NHSL1: variants seen among roughly 807,000 people sequenced by gnomAD.
NHSL1 encodes the protein NHS like 1, also known as NHS-like protein 1.
Under a neutral mutation model 95.0 loss-of-function variants are expected in NHSL1, and 48 were observed. The ratio of observed to expected loss-of-function variants is 0.51; its 90% CI spans 0.40 to 0.64. The LOEUF is 0.64. NHSL1 is among the 30% of genes least tolerant of loss of function. The pLI is 0.00. For synonymous variants in NHSL1, 783 were observed against 833.9 expected, an observed-to-expected ratio of 0.94 and a Z score of 1.05; for missense variants, 1,971 against 2,077.7, an observed-to-expected ratio of 0.95 and a Z score of 1.00.
intron 2 of NHSL1, among the ~76,000 whole-genome samples, chr6:138,491,240 G>C (rs905195749): frequency 6.6e-6 from 1 of 152,160 alleles, no homozygotes. Flanking sequence ...AATTCAGGCA[G>C]GAATGTACAC....
chr6:138,492,680 G>A (rs533980406), intron 2 of NHSL1, among the ~76,000 whole-genome samples: 29 of 152,116 alleles, frequency 1.9e-4, no homozygotes, highest in Middle Eastern at 3.4e-3. Flanking sequence ...ATTGATACTC[G>A]CTGTGTCGTT....
At chr6:138,435,058 T>C (rs1373820691) in intron 5 of NHSL1, among the ~76,000 whole-genome samples, 2 of 152,180 alleles carry the variant, frequency 1.3e-5, no homozygotes, top group East Asian at 1.9e-4. Context: ...TGAAGACAGA[T>C]AGACAGACAC....
intron 3 of NHSL1, among the ~76,000 whole-genome samples, chr6:138,468,563 G>A (rs1279959895): frequency 2.0e-5 from 3 of 152,160 alleles, no homozygotes; most frequent in South Asian, 2.1e-4. Context: ...TAGGTTGTGC[G>A]CTCCTTATGA....
At position 138,432,879 on chromosome 6, in the gene NHSL1, C is replaced by T; in HGVS notation, c.1466G>A (p.Gly489Asp). 3 of 1,551,550 alleles carry T rather than the reference C, an allele frequency of 1.9e-6. No individual in the cohort carries two copies. The highest frequency in any genetic ancestry group is 2.6e-6 in the Non-Finnish European group (3 of 1,146,922). ...ACAGAGGGACAACAGTGCGGGTTCACCAGGGGAATGAGGGTCTAAGTCCTG... is the reference window on the plus strand; with the variant it reads ...ACAGAGGGACAACAGTGCGGGTTCATCAGGGGAATGAGGGTCTAAGTCCTG... ...LSQDLDPHSPGEPALLSLCDS... is the reference protein window; with the variant it reads ...LSQDLDPHSPDEPALLSLCDS... The change falls in exon 6 of 8, where the codon GGT (glycine) becomes GAT (aspartate). Residue 489 changes from glycine to aspartate, a missense_variant. Physicochemically the swap from Gly to Asp is moderately conservative, Grantham distance 94. Around this residue, in one of 3 missense-constraint regions of NHSL1, gnomAD observed 1,602 missense variants for 1,654.5 expected, o/e 0.97. Coordinates refer to ENST00000343505, the MANE Select transcript of NHSL1 (RefSeq NM_001144060.2). This position sits in a 1 kb window ranked among gnomAD's most constrained non-coding sequence, Gnocchi z 4.4.
chr6:138,432,214 T>C lies in NHSL1; in HGVS notation c.2131A>G (p.Ser711Gly), dbSNP rs1583146647. Residue 711 changes from serine to glycine, a missense_variant, in exon 6 of 8, where the codon AGC becomes GGC. By Grantham distance (56) the Ser-to-Gly change is moderately conservative. Transcript: ENST00000343505. The surrounding 1 kb of genome is among the most constrained non-coding windows in gnomAD (Gnocchi z 4.4). ...GAGCTGCCACTCTTGCCTGGGAGGCTCAGCTGCAGCGAGTGCTGGAGTGTG... is the reference window on the plus strand; with the variant it reads ...GAGCTGCCACTCTTGCCTGGGAGGCCCAGCTGCAGCGAGTGCTGGAGTGTG... ...IATLQHSLQL[S>G]LPGKSGSSPS... The C allele has an allele frequency of 6.5e-7, 1 of 1,546,904 alleles. No homozygotes were observed. The highest frequency in any genetic ancestry group is 2.5e-5 in the East Asian group (1 of 40,812).
At chr6:138,500,322 A>G (rs1018906457), upstream of NHSL1, among the ~76,000 whole-genome samples, 11 of 152,260 alleles carry the variant, frequency 7.2e-5, no homozygotes, top group Non-Finnish European at 1.3e-4. Context: ...AATTAACCAC[A>G]GAGAACTAGG....
intron 1 of NHSL1, among the ~76,000 whole-genome samples, chr6:138,581,687 G>A (rs561741277): frequency 1.1e-3 from 107 of 98,928 alleles, no homozygotes; most frequent in Non-Finnish European, 6.3e-4. Flanking sequence ...GTGAGACTCC[G>A]TCTCCAAAAA....
rs1409186638 is a variant in NHSL1 at position 138,515,608 on chromosome 6, T to C, written c.17-19237A>G. ...GGCTTTGGAGATGCCAGTAAGTTAG[T>C]TGATCAAATGATGCAATAAAGAAAT... is the stretch of plus-strand genomic sequence containing the variant. On this transcript the variant is annotated intron_variant, in intron 1 of 4. Coordinates refer to the NHSL1 transcript ENST00000342260. 2.0e-5 allele frequency among the ~76,000 whole-genome samples: 3 copies of C among 152,216 alleles called. No homozygotes were observed. The East Asian group carries it at 5.8e-4, about 29-fold the overall frequency.
intron 7 of NHSL1, 86 bp downstream of exon 7, chr6:138,429,625 C>A: frequency 7.8e-7 from 1 of 1,278,282 alleles, no homozygotes. Context: ...CAGAAGAAAC[C>A]TCAAGGAAGA....
intron 1 of NHSL1, among the ~76,000 whole-genome samples, chr6:138,558,738 G>A (rs1487560738): frequency 6.6e-6 from 1 of 152,126 alleles, no homozygotes; most frequent in African/African-American, 2.4e-5. Context: ...AGTTTTTACA[G>A]TAACTGTTTC....
intron 1 of NHSL1, among the ~76,000 whole-genome samples, chr6:138,498,670 C>T (rs1263048643): frequency 6.6e-6 from 1 of 152,162 alleles, no homozygotes; most frequent in Non-Finnish European, 1.5e-5. Context: ...CACAATAAAG[C>T]CACATCACAA....
At chr6:138,524,824 C>A (rs1205654729) in intron 1 of NHSL1, among the ~76,000 whole-genome samples, 1 of 151,968 alleles carries the variant, frequency 6.6e-6, no homozygotes, top group South Asian at 2.1e-4. Flanking sequence ...AGCAAATGGG[C>A]ACACAAAAAA....
chr6:138,690,527 G>A (rs575228947), intron 1 of NHSL1, among the ~76,000 whole-genome samples: 99 of 151,900 alleles, frequency 6.5e-4, no homozygotes, highest in African/African-American at 2.2e-3. Context: ...GATCGCCTGA[G>A]GTTGGGAGTT....
Position 138,433,193 on chromosome 6 carries a change from G to A in NHSL1, c.1152C>T (p.Ser384=). The change falls in exon 6 of 8, where the codon TCC becomes TCT. Residue 384 remains serine, a synonymous_variant. Transcript: ENST00000343505. ...SGTGTLLRPK[S]QELRHFESEN... ...CACTCTCGAAGTGTCTCAACTCCTG[G>A]GATTTGGGTCTCAAAAGTGTTCCAG... 6.4e-7 allele frequency: 1 copy of A among 1,551,164 alleles called. No homozygotes were observed.
chr6:138,497,549 T>A (rs1780428319), intron 1 of NHSL1, among the ~76,000 whole-genome samples: 1 of 152,242 alleles, frequency 6.6e-6, no homozygotes, highest in Admixed American at 6.5e-5. Flanking sequence ...ACGCATAAAC[T>A]ATTAAATCCA....
intron 1 of NHSL1, among the ~76,000 whole-genome samples, chr6:138,519,286 A>T (rs555983404): frequency 6.6e-6 from 1 of 152,132 alleles, no homozygotes; most frequent in Non-Finnish European, 1.5e-5. Flanking sequence ...TTCAAAAAAA[A>T]ATCTGCTCTG....
rs149788579 is a variant in NHSL1 at position 138,626,136 on chromosome 6, A to C, written c.96+66340T>G. On this transcript the variant is annotated intron_variant, in intron 1 of 3. Coordinates refer to the NHSL1 transcript ENST00000491526. ...GGACAGCTTGGTTTTAATTGATCAA[A>C]TGATCCCTGGCACTGAGGTGTCCAA... Among the ~76,000 whole-genome samples the C allele has an allele frequency of 4.5e-3, 689 of 152,300 alleles. 5 individuals are homozygous for C. Among genetic ancestry groups the C allele is most frequent in the African/African-American group, 0.016 (646 of 41,568 alleles).
chr6:138,614,121 T>C (rs1368975995), intron 1 of NHSL1, among the ~76,000 whole-genome samples: 1 of 152,222 alleles, frequency 6.6e-6, no homozygotes, highest in Admixed American at 6.5e-5. Flanking sequence ...TCTTTCCTTA[T>C]AGATAAGATC....
At chr6:138,640,012 G>A (rs1046483523) in intron 1 of NHSL1, among the ~76,000 whole-genome samples, 4 of 151,630 alleles carry the variant, frequency 2.6e-5, no homozygotes, top group South Asian at 2.1e-4. Context: ...TAATCTCATG[G>A]AGAGCTGCAA....
Sources: allele counts gnomAD v4.1 joint callset (sites outside exome capture counted in the v4.1 genomes callset), GRCh38; gene constraint gnomAD v4.1.1; regional missense constraint gnomAD v4.1.1; non-coding constraint Gnocchi (gnomAD v3.1); transcripts MANE v1.5; gene names NCBI Gene and HGNC (gene_info 2026-07-23, HGNC 2026-07-21).